SVIL: variants seen among roughly 807,000 people sequenced by gnomAD.
SVIL encodes the protein archvillin.
A neutral mutation model predicts 240.4 loss-of-function variants in SVIL; 101 were observed. The observed-to-expected ratio is 0.42, with a 90% CI of 0.36 to 0.50. The LOEUF (loss-of-function observed/expected upper bound fraction) is 0.50. Among genes scored for constraint, SVIL ranks in the 20% least tolerant of loss-of-function variants. The pLI is 0.01. For synonymous variants in SVIL, 999 were observed against 1,100.0 expected, an observed-to-expected ratio of 0.91 and a Z score of 1.82; for missense variants, 2,512 against 2,818.7, an observed-to-expected ratio of 0.89 and a Z score of 2.46.
chr10:29,530,633 C>T lies in SVIL; in HGVS notation c.2080G>A (p.Val694Ile), dbSNP rs545880404. 13 of 1,614,144 alleles carry T rather than the reference C, an allele frequency of 8.1e-6. No homozygotes were observed. The highest frequency in any genetic ancestry group is 6.6e-5 in the South Asian group (6 of 91,088). The change falls in exon 11 of 38, where the codon GTC becomes ATC. Residue 694 changes from valine (V) to isoleucine (I), a missense_variant. This residue lies in a region of SVIL where 1,443 missense variants were observed against 1,486.6 expected (regional missense o/e 0.97). Transcript: ENST00000355867. ...CTGAAAAGCAACCTCTTGGCGGCGA[C>T]GCTCAGCTTGGCTCGTTCATCCACC... Reference protein sequence around the residue: ...EKVDERAKLSVAAKRLLFREM... With the variant: ...EKVDERAKLSIAAKRLLFREM...
At chr10:29,593,617 T>C (rs1336929220) in intron 1 of SVIL, among the ~76,000 whole-genome samples, 1 of 152,202 alleles carries the variant, frequency 6.6e-6, no homozygotes, top group Non-Finnish European at 1.5e-5. Flanking sequence ...CTCGGGCAAT[T>C]CACCTCTAAT....
chr10:29,635,384 T>C (rs370067915), upstream of SVIL, among the ~76,000 whole-genome samples: 3 of 152,356 alleles, frequency 2.0e-5, no homozygotes, highest in East Asian at 3.9e-4. Flanking sequence ...TAATGGCACA[T>C]GTCTCTACAA....
Position 29,735,146 on chromosome 10 carries a change from G to A in SVIL, c.-400+605C>T, listed in dbSNP as rs1482566762. On this transcript the variant is annotated intron_variant, in intron 1 of 35. Transcript: ENST00000375400. The surrounding 1 kb of genome is among the most constrained non-coding windows in gnomAD (Gnocchi z 4.1). Reference sequence around the variant, plus strand: ...CCCGGGGACTAAACCACTCCCTTCGGGGAGCCCGCACGCGCGCAGAAACGT... The same window carrying A: ...CCCGGGGACTAAACCACTCCCTTCGAGGAGCCCGCACGCGCGCAGAAACGT... Among the ~76,000 whole-genome samples the A allele has an allele frequency of 6.6e-6, 1 of 152,118 alleles. No homozygotes were observed.
intron 17 of SVIL, among the ~76,000 whole-genome samples, chr10:29,505,628 C>T (rs970739330): frequency 9.2e-5 from 14 of 152,094 alleles, no homozygotes; most frequent in South Asian, 2.1e-4. Context: ...TTGTCAAAAC[C>T]GAAAGAATGG....
intron 36 of SVIL, among the ~76,000 whole-genome samples, chr10:29,461,036 AT>A (rs1354923230): frequency 3.3e-5 from 5 of 152,050 alleles, no homozygotes; most frequent in Non-Finnish European, 5.9e-5. Flanking sequence ...ACATGGTTAC[AT>A]TTCTTCCCTG....
intron 1 of SVIL, among the ~76,000 whole-genome samples, chr10:29,702,161 C>T (rs1176036997): frequency 2.7e-5 from 3 of 109,880 alleles, no homozygotes; most frequent in Non-Finnish European, 5.0e-5. Flanking sequence ...GGTAATAGAG[C>T]GAGACTCCAT....
chr10:29,731,716 A>G (rs1426714961), intron 1 of SVIL, among the ~76,000 whole-genome samples: 1 of 152,218 alleles, frequency 6.6e-6, no homozygotes, highest in Non-Finnish European at 1.5e-5. Context: ...CCCCTGACAG[A>G]CTATATCTGG....
intron 1 of SVIL, among the ~76,000 whole-genome samples, chr10:29,705,537 G>GTA (rs1962828855): frequency 6.6e-6 from 1 of 151,880 alleles, no homozygotes; most frequent in South Asian, 2.1e-4. Context: ...TATTAGATAG[G>GTA]TAAACGTGTG....
chr10:29,487,342 G>A (rs763024809), intron 23 of SVIL, 43 bp from the exon 24 acceptor site: 2 of 1,610,384 alleles, frequency 1.2e-6, no homozygotes, highest in Non-Finnish European at 1.7e-6. Context: ...AGACAGAACG[G>A]GGATAGGACG....
At chr10:29,570,156 T>A (rs1334774061) in intron 1 of SVIL, among the ~76,000 whole-genome samples, 1 of 152,184 alleles carries the variant, frequency 6.6e-6, no homozygotes, top group Non-Finnish European at 1.5e-5. Context: ...TCAAAATACA[T>A]CCTCAGTCCT....
Position 29,589,981 on chromosome 10 carries a change from G to C in SVIL, c.-200-20669C>G, listed in dbSNP as rs533746798. On this transcript the variant is annotated intron_variant, in intron 1 of 37. Coordinates refer to ENST00000355867, the MANE Select transcript of SVIL (RefSeq NM_021738.3). The stretch of plus-strand genomic sequence containing the variant: ...CAGGAGTGAAGACCAGCCTGGCCAA[G>C]ATGGTGAAACCCCGTCTCTACTAAA... 3.3e-5 allele frequency among the ~76,000 whole-genome samples: 5 copies of C among 151,784 alleles called. 1 individual carries two copies. The South Asian group carries it at 1.0e-3, about 32-fold the overall frequency.
At chr10:29,609,605 G>C (rs1241442325) in intron 1 of SVIL, among the ~76,000 whole-genome samples, 3 of 152,186 alleles carry the variant, frequency 2.0e-5, no homozygotes, top group East Asian at 1.9e-4. Context: ...ACCTATTTGG[G>C]GACTCTGCAG....
intron 3 of SVIL, among the ~76,000 whole-genome samples, chr10:29,641,216 C>G (rs1310319675): frequency 6.6e-6 from 1 of 151,716 alleles, no homozygotes; most frequent in Non-Finnish European, 1.5e-5. Flanking sequence ...CCAGCCTGGG[C>G]AACATAGTGA....
chr10:29,504,847 T>C (rs2132453798), intron 17 of SVIL, among the ~76,000 whole-genome samples: 1 of 152,344 alleles, frequency 6.6e-6, no homozygotes, highest in Non-Finnish European at 1.5e-5. Flanking sequence ...TGCTCCTTGA[T>C]ACTCAAATGA....
intron 1 of SVIL, among the ~76,000 whole-genome samples, chr10:29,715,475 A>G (rs1228365675): frequency 6.6e-6 from 1 of 152,224 alleles, no homozygotes; most frequent in East Asian, 1.9e-4. Context: ...CCATCCAACT[A>G]AGATCAAGCC....
At chr10:29,502,324 A>G (rs753619963) in intron 17 of SVIL, among the ~76,000 whole-genome samples, 5 of 152,174 alleles carry the variant, frequency 3.3e-5, no homozygotes, top group Non-Finnish European at 7.3e-5. Flanking sequence ...ATTTATCACA[A>G]TTTAGAACTC....
chr10:29,473,576 T>G, intron 30 of SVIL: 2 of 516,340 alleles, frequency 3.9e-6, no homozygotes, highest in East Asian at 3.5e-5. Flanking sequence ...AAGCCACCCA[T>G]TGGCCATCTG....
At chr10:29,507,706 G>A (rs1249179938) in intron 17 of SVIL, 10 of 959,364 alleles carry the variant, frequency 1.0e-5, no homozygotes, top group African/African-American at 1.8e-5. Context: ...AGAAATTGCA[G>A]TGAGGCTTAA....
At chr10:29,464,898 C>T (rs1944712835) in intron 34 of SVIL, among the ~76,000 whole-genome samples, 1 of 152,180 alleles carries the variant, frequency 6.6e-6, no homozygotes, top group Non-Finnish European at 1.5e-5. Context: ...TCTCTTGTTA[C>T]TTTCCCAACC....
Sources: allele counts gnomAD v4.1 joint callset (sites outside exome capture counted in the v4.1 genomes callset), GRCh38; gene constraint gnomAD v4.1.1; regional missense constraint gnomAD v4.1.1; non-coding constraint Gnocchi (gnomAD v3.1); transcripts MANE v1.5; gene names NCBI Gene and HGNC (gene_info 2026-07-23, HGNC 2026-07-21).